The following TTC28 variants were observed in gnomAD, a reference collection of about 807,000 sequenced individuals.
The protein encoded by TTC28 is tetratricopeptide repeat domain 28.
A neutral mutation model predicts 198.0 loss-of-function variants in TTC28; 61 were observed. The ratio of observed to expected loss-of-function variants is 0.31; its 90% CI spans 0.25 to 0.38. The LOEUF (loss-of-function observed/expected upper bound fraction) is 0.38. Among genes scored for constraint, TTC28 ranks in the 10% least tolerant of loss-of-function variants. TTC28 has a pLI of 1.00. For synonymous variants in TTC28, 1,171 were observed against 1,297.8 expected, an observed-to-expected ratio of 0.90 and a Z score of 2.10; for missense variants, 2,678 against 3,164.0, an observed-to-expected ratio of 0.85 and a Z score of 3.69.
At chr22:28,658,017 T>A (rs1190067305) in intron 1 of TTC28, among the ~76,000 whole-genome samples, 1 of 152,210 alleles carries the variant, frequency 6.6e-6, no homozygotes, top group Non-Finnish European at 1.5e-5. Context: ...TAGTAAAGAA[T>A]TTTTTACTTT....
chr22:28,358,884 T>C (rs1200290337), intron 2 of TTC28, among the ~76,000 whole-genome samples: 1 of 152,168 alleles, frequency 6.6e-6, no homozygotes, highest in African/African-American at 2.4e-5. Flanking sequence ...CTTTGCTCTG[T>C]CCTTCTTTAC....
intron 2 of TTC28, among the ~76,000 whole-genome samples, chr22:28,384,238 T>C (rs1467338279): frequency 2.0e-5 from 3 of 152,158 alleles, no homozygotes; most frequent in African/African-American, 7.2e-5. Flanking sequence ...AAACATTTGT[T>C]TTTTTGTTTG....
chr22:28,242,705 A>G (rs1301471234), intron 5 of TTC28, among the ~76,000 whole-genome samples: 2 of 152,124 alleles, frequency 1.3e-5, no homozygotes, highest in Admixed American at 6.6e-5. Flanking sequence ...TATAATTTCT[A>G]TTTTAAAAGA....
chr22:28,211,142 T>C (rs891919948), intron 5 of TTC28, among the ~76,000 whole-genome samples: 5 of 152,000 alleles, frequency 3.3e-5, no homozygotes, highest in Non-Finnish European at 7.4e-5. Flanking sequence ...GCACTAAACA[T>C]GGAAAGGAAC....
chr22:28,063,884 G>A (rs762668275), intron 12 of TTC28, among the ~76,000 whole-genome samples: 2 of 152,082 alleles, frequency 1.3e-5, no homozygotes, highest in Non-Finnish European at 2.9e-5. Context: ...GCTGCAGGGC[G>A]GCCGAGCAAC....
intron 5 of TTC28, among the ~76,000 whole-genome samples, chr22:28,167,979 A>G (rs955657138): frequency 6.6e-6 from 1 of 152,218 alleles, no homozygotes; most frequent in Non-Finnish European, 1.5e-5. Flanking sequence ...AAAGTCTCAG[A>G]ATACAAAATC....
intron 13 of TTC28, among the ~76,000 whole-genome samples, chr22:28,025,733 G>A (rs1205311717): frequency 6.6e-6 from 1 of 152,214 alleles, no homozygotes; most frequent in Non-Finnish European, 1.5e-5. Context: ...AGCTGGGTGA[G>A]GTGGTGTGCA....
chr22:28,615,691 A>C (rs2050893469), intron 2 of TTC28, among the ~76,000 whole-genome samples: 1 of 151,926 alleles, frequency 6.6e-6, no homozygotes, highest in East Asian at 1.9e-4. Context: ...AAACTAACAC[A>C]AGGACAGAAA....
intron 2 of TTC28, among the ~76,000 whole-genome samples, chr22:28,486,180 A>G (rs1322478842): frequency 2.6e-5 from 4 of 152,166 alleles, no homozygotes; most frequent in Admixed American, 2.6e-4. Context: ...GTATACTAAA[A>G]TTACAAATAC....
chr22:28,095,476 C>T (rs546855482), intron 11 of TTC28, among the ~76,000 whole-genome samples: 11 of 151,886 alleles, frequency 7.2e-5, no homozygotes, highest in Non-Finnish European at 1.6e-4. Context: ...ATTCAAGAAG[C>T]TCATTCTTTA....
chr22:28,026,799 G>C (rs1451931848), intron 13 of TTC28, among the ~76,000 whole-genome samples: 4 of 152,302 alleles, frequency 2.6e-5, no homozygotes, highest in Admixed American at 6.5e-5. Context: ...CTGCTCTCTG[G>C]ACAATAAGAA....
At chr22:28,165,577 T>C (rs967274280) in intron 5 of TTC28, among the ~76,000 whole-genome samples, 3 of 152,238 alleles carry the variant, frequency 2.0e-5, no homozygotes, top group Non-Finnish European at 4.4e-5. Context: ...CCAGCCAAAC[T>C]AAGCTTCATA....
At chr22:28,219,068 T>C (rs577052044) in intron 5 of TTC28, among the ~76,000 whole-genome samples, 8 of 152,258 alleles carry the variant, frequency 5.3e-5, no homozygotes, top group African/African-American at 1.7e-4. Flanking sequence ...GAACCATACT[T>C]TGAGAACCAC....
intron 12 of TTC28, among the ~76,000 whole-genome samples, chr22:28,067,362 C>T (rs1445842567): frequency 1.3e-5 from 2 of 152,148 alleles, no homozygotes; most frequent in East Asian, 1.9e-4. Flanking sequence ...GTCTGACAAA[C>T]GTTTCCTGAA....
At chr22:28,422,055 T>C (rs1416902653) in intron 2 of TTC28, among the ~76,000 whole-genome samples, 4 of 152,264 alleles carry the variant, frequency 2.6e-5, no homozygotes, top group African/African-American at 9.6e-5. Flanking sequence ...GCATTTCTCT[T>C]TTAAAAAATT....
At chr22:28,364,057 C>T (rs2046204353) in intron 2 of TTC28, among the ~76,000 whole-genome samples, 1 of 152,120 alleles carries the variant, frequency 6.6e-6, no homozygotes, top group African/African-American at 2.4e-5. Flanking sequence ...AAATGTAGGA[C>T]ATGAGACCTG....
intron 5 of TTC28, among the ~76,000 whole-genome samples, chr22:28,209,905 C>G (rs975658683): frequency 5.3e-5 from 8 of 152,168 alleles, no homozygotes; most frequent in Non-Finnish European, 1.2e-4. Flanking sequence ...CCGACTGACA[C>G]CTCATACAGA....
At chr22:28,675,760 C>CAT (rs1016531133) in intron 1 of TTC28, among the ~76,000 whole-genome samples, 4 of 151,464 alleles carry the variant, frequency 2.6e-5, no homozygotes, top group African/African-American at 9.7e-5. Flanking sequence ...CACACACACA[C>CAT]ACACACACAC....
At chr22:28,561,226 G>A (rs1250373004) in intron 2 of TTC28, among the ~76,000 whole-genome samples, 1 of 150,940 alleles carries the variant, frequency 6.6e-6, no homozygotes, top group Non-Finnish European at 1.5e-5. Flanking sequence ...GGCACCCACC[G>A]CCACGCCCGG....
Sources: gnomAD v4.1 joint callset for allele counts (sites outside exome capture counted in the v4.1 genomes callset) on GRCh38, gnomAD v4.1.1 for gene constraint, MANE v1.5 for transcripts, NCBI Gene and HGNC (gene_info 2026-07-23, HGNC 2026-07-21) for gene names.